Variants in CATSPERE observed in about 807,000 individuals in gnomAD.
The protein encoded by CATSPERE is catsper channel auxiliary subunit epsilon.
In CATSPERE, 93 loss-of-function variants were observed where a neutral mutation model predicts 114.1. The observed-to-expected ratio is 0.81, with a 90% CI of 0.69 to 0.97. The LOEUF is 0.97. Among genes scored for constraint, CATSPERE ranks in the 50% least tolerant of loss-of-function variants. The pLI is 0.00. For missense variants in CATSPERE, 1,058 were observed against 1,131.6 expected (o/e 0.93, Z 0.93); for synonymous variants, 341 against 384.1 (o/e 0.89, Z 1.31).
intron 2 of CATSPERE, among the ~76,000 whole-genome samples, chr1:244,468,396 T>C (rs890523002): frequency 2.0e-5 from 3 of 152,092 alleles, no homozygotes; most frequent in African/African-American, 7.2e-5. Context: ...CCAGCCTTAT[T>C]GGTCTTTTTA....
chr1:244,526,759 G>GC (rs1322316119), intron 8 of CATSPERE, among the ~76,000 whole-genome samples: 1 of 151,344 alleles, frequency 6.6e-6, no homozygotes, highest in African/African-American at 2.4e-5. Context: ...GGGGGAACCT[G>GC]CCCCCGCTAG....
rs1674527934 is a variant in CATSPERE at position 244,635,544 on chromosome 1, T to G, written c.2702+2T>G. ...AGAGACATTTGGACTGATTCCCAGG[T>G]AAGGAGCAGGGCCTAACTGGACTTT... On this transcript the variant is annotated splice_donor_variant, in intron 21 of 21. Transcript: ENST00000366534. LOFTEE classifies it high-confidence loss of function. 6.2e-7 allele frequency: 1 copy of G among 1,611,144 alleles called. No homozygotes were observed. The highest frequency in any genetic ancestry group is 8.5e-7 in the Non-Finnish European group (1 of 1,177,700).
chr1:244,518,739 ACTT>A (rs1396624424), intron 8 of CATSPERE, 41 bp downstream of exon 8: 1 of 1,066,064 alleles, frequency 9.4e-7, no homozygotes. Flanking sequence ...AAATATGAAA[ACTT>A]AAACTAGATT....
chr1:244,557,560 T>TTATTC (rs1476363847), intron 9 of CATSPERE, among the ~76,000 whole-genome samples: 1 of 80,746 alleles, frequency 1.2e-5, no homozygotes, highest in Non-Finnish European at 2.4e-5. Context: ...TATATATATA[T>TTATTC]ATATATATAT....
chr1:244,640,113 T>C lies in CATSPERE; in HGVS notation c.*32T>C, dbSNP rs1386621501. ...TGAAAGTTTGTTTATTACAGATATA[T>C]GCATATAGAGAAACAGTGTATTACA... On this transcript the variant is annotated 3_prime_UTR_variant, in exon 22 of 22. Coordinates refer to ENST00000366534, the MANE Select transcript of CATSPERE (RefSeq NM_001130957.2). 1.2e-5 allele frequency: 18 copies of C among 1,481,674 alleles called. No homozygotes were observed. The highest frequency in any genetic ancestry group is 6.0e-5 in the Admixed American group (3 of 49,806). 91.8% of individuals were successfully genotyped at this position (1,481,674 alleles called of 1,614,324 possible). A position where few individuals can be genotyped will look rare whatever the true frequency, so the allele number is the denominator to read the frequency against.
At chr1:244,491,049 T>C (rs911313130) in intron 6 of CATSPERE, among the ~76,000 whole-genome samples, 129 of 152,130 alleles carry the variant, frequency 8.5e-4, no homozygotes, top group African/African-American at 1.7e-3. Flanking sequence ...GACAGAAAGT[T>C]AACAAGGATA....
chr1:244,505,131 C>T (rs1674624087), intron 7 of CATSPERE, among the ~76,000 whole-genome samples: 2 of 152,128 alleles, frequency 1.3e-5, no homozygotes, highest in South Asian at 2.1e-4. Context: ...CTCTCATCAT[C>T]GTGGGGTTTT....
chr1:244,477,463 A>G (rs1669552812), intron 2 of CATSPERE, 78 bp from the exon 3 acceptor site: 1 of 764,884 alleles, frequency 1.3e-6, no homozygotes, highest in East Asian at 2.5e-5. Context: ...GGACCCAGAA[A>G]ATTGAATCCT....
intron 7 of CATSPERE, among the ~76,000 whole-genome samples, chr1:244,506,946 C>T (rs972356059): frequency 2.0e-5 from 3 of 152,148 alleles, no homozygotes; most frequent in Non-Finnish European, 4.4e-5. Context: ...GACCGCTTTT[C>T]AACTCTCTGC....
At chr1:244,453,298 G>C (rs2148030293), upstream of CATSPERE, among the ~76,000 whole-genome samples, 1 of 152,344 alleles carries the variant, frequency 6.6e-6, no homozygotes, top group East Asian at 1.9e-4. Flanking sequence ...GCAGATAGTA[G>C]ATACTGAATA....
chr1:244,490,166 T>G (rs112684741), intron 5 of CATSPERE, among the ~76,000 whole-genome samples: 4,969 of 152,258 alleles, frequency 0.033, 278 homozygotes, highest in African/African-American at 0.11. Flanking sequence ...AGGTCATTAT[T>G]AATCTTAGCG....
upstream of CATSPERE, among the ~76,000 whole-genome samples, chr1:244,458,504 T>G (rs1184138535): frequency 2.6e-5 from 4 of 152,180 alleles, no homozygotes; most frequent in Non-Finnish European, 5.9e-5. Flanking sequence ...CAGATAACTT[T>G]AAAAATTGTG....
At chr1:244,500,519 G>A (rs372564773) in intron 7 of CATSPERE, among the ~76,000 whole-genome samples, 5 of 152,240 alleles carry the variant, frequency 3.3e-5, no homozygotes, top group Admixed American at 6.5e-5. Context: ...GTTAATTTTT[G>A]TGTGAGGTTT....
intron 14 of CATSPERE, among the ~76,000 whole-genome samples, chr1:244,591,054 C>A (rs1444641316): frequency 6.6e-6 from 1 of 152,176 alleles, no homozygotes; most frequent in East Asian, 1.9e-4. Context: ...ACATTATCAC[C>A]AGCAATATAT....
At chr1:244,487,604 C>T (rs1331694568) in intron 5 of CATSPERE, among the ~76,000 whole-genome samples, 1 of 152,214 alleles carries the variant, frequency 6.6e-6, no homozygotes, top group African/African-American at 2.4e-5. Context: ...CTCCAGGACA[C>T]TGCAGCGTGC....
chr1:244,491,088 A>G (rs531099435), intron 6 of CATSPERE, among the ~76,000 whole-genome samples: 1 of 152,266 alleles, frequency 6.6e-6, no homozygotes, highest in South Asian at 2.1e-4. Context: ...CTCTGCACCA[A>G]GCGGACCTAA....
Position 244,461,420 on chromosome 1 carries a change from A to G in CATSPERE, c.-10A>G. 1.5e-6 allele frequency: 2 copies of G among 1,370,796 alleles called. No homozygotes were observed. Among genetic ancestry groups the G allele is most frequent in the Non-Finnish European group, 1.9e-6 (2 of 1,051,940 alleles). The allele number at this position is 1,370,796 out of a possible 1,614,324, so 84.9% of individuals were successfully genotyped here. A position where few individuals can be genotyped will look rare whatever the true frequency, so the allele number is the denominator to read the frequency against. Reference sequence around the variant, plus strand: ...GGCCGAGGCGGTTGGGCGGAGGCGGAGCAGGCGCCATGTCAGCCCGGGAAG... The same window carrying G: ...GGCCGAGGCGGTTGGGCGGAGGCGGGGCAGGCGCCATGTCAGCCCGGGAAG... On this transcript the variant is annotated 5_prime_UTR_variant, in exon 1 of 22. Coordinates refer to ENST00000366534, the MANE Select transcript of CATSPERE (RefSeq NM_001130957.2).
At chr1:244,596,619 G>A (rs1181538176) in intron 17 of CATSPERE, among the ~76,000 whole-genome samples, 1 of 151,974 alleles carries the variant, frequency 6.6e-6, no homozygotes, top group Non-Finnish European at 1.5e-5. Context: ...GGGGTGGGGG[G>A]CAAGGGGAGG....
intron 8 of CATSPERE, among the ~76,000 whole-genome samples, chr1:244,544,975 A>G (rs543924091): frequency 6.6e-6 from 1 of 152,336 alleles, no homozygotes; most frequent in African/African-American, 2.4e-5. Flanking sequence ...CCTCAAGGGT[A>G]TATCAATTCT....
Sources: allele counts gnomAD v4.1 joint callset (sites outside exome capture counted in the v4.1 genomes callset), GRCh38; gene constraint gnomAD v4.1.1; transcripts MANE v1.5; gene names NCBI Gene and HGNC (gene_info 2026-07-23, HGNC 2026-07-21).